The following PLD5 variants were observed in gnomAD, a reference collection of about 807,000 sequenced individuals.
The protein encoded by PLD5 is phospholipase D family member 5.
In PLD5, 36 loss-of-function variants were observed where a neutral mutation model predicts 61.1. The observed-to-expected ratio is 0.59, with a 90% CI of 0.45 to 0.78. The LOEUF is 0.78. PLD5 is among the 30% of genes least tolerant of loss of function. The probability of loss-of-function intolerance (pLI) is 0.00; values close to 1 mark genes in which losing one functional copy is unlikely to be tolerated. For synonymous variants in PLD5, 243 were observed against 242.8 expected (o/e 1.00, Z -0.01); for missense variants, 515 against 644.4 (o/e 0.80, Z 2.17).
chr1:242,366,245 G>T (rs1262973292), intron 1 of PLD5, among the ~76,000 whole-genome samples: 1 of 151,860 alleles, frequency 6.6e-6, no homozygotes, highest in Non-Finnish European at 1.5e-5. Context: ...AGGAATATGG[G>T]GTCTGCAAAG....
intron 1 of PLD5, among the ~76,000 whole-genome samples, chr1:242,428,537 G>A (rs2102884461): frequency 6.6e-6 from 1 of 152,300 alleles, no homozygotes; most frequent in South Asian, 2.1e-4. Context: ...CAAAATGTCA[G>A]GTTATCTTTC....
rs369865912 is a variant in PLD5, at chr1:242,106,074, C to T, written c.1239+1597G>A. ...TGAACCAGCAGGAGTATGAGGACTT[C>T]ACAGTACCTGCCCAGAAGAGTTTTA... On this transcript the variant is annotated intron_variant, in intron 8 of 9. Coordinates refer to ENST00000536534, the MANE Select transcript of PLD5 (RefSeq NM_001372062.1). Among the ~76,000 whole-genome samples, 83 of 152,304 alleles carry T rather than the reference C, an allele frequency of 5.4e-4. 3 individuals are homozygous for T. In the South Asian group the frequency reaches 0.016, roughly 29 times the overall value.
chr1:242,318,454 C>T (rs927352245), intron 2 of PLD5, among the ~76,000 whole-genome samples: 3 of 152,210 alleles, frequency 2.0e-5, no homozygotes, highest in African/African-American at 7.2e-5. Flanking sequence ...AGTGTGCTGA[C>T]GGGAGAGAGA....
At chr1:242,250,755 T>G (rs1483530981) in intron 4 of PLD5, among the ~76,000 whole-genome samples, 1 of 152,176 alleles carries the variant, frequency 6.6e-6, no homozygotes, top group African/African-American at 2.4e-5. Flanking sequence ...TACTGACTTT[T>G]AGGAGCCTCA....
chr1:242,107,039 C>T (rs4274045), intron 8 of PLD5, among the ~76,000 whole-genome samples: 80,696 of 151,970 alleles, frequency 0.53, 21,790 homozygotes, highest in East Asian at 0.75. Flanking sequence ...GGGATTAGTA[C>T]GTGGCCCAAG....
At chr1:242,319,672 C>G (rs145254455) in intron 2 of PLD5, among the ~76,000 whole-genome samples, 1 of 152,174 alleles carries the variant, frequency 6.6e-6, no homozygotes, top group Non-Finnish European at 1.5e-5. Flanking sequence ...GTAAATTCAT[C>G]GTTAATCTTC....
rs567255663 is a variant in PLD5 at position 242,173,403 on chromosome 1, A to G, written c.735+46585T>C. On this transcript the variant is annotated intron_variant, in intron 5 of 9. Coordinates refer to ENST00000536534, the MANE Select transcript of PLD5 (RefSeq NM_001372062.1). ...CCACTGTTCAACGAAATAAAAGAGGATACAAACAAATGGAAGAACATTCCA... is the reference window on the plus strand; with the variant it reads ...CCACTGTTCAACGAAATAAAAGAGGGTACAAACAAATGGAAGAACATTCCA... 5.9e-5 allele frequency among the ~76,000 whole-genome samples: 9 copies of G among 152,264 alleles called. No homozygotes were observed. In the East Asian group the frequency reaches 1.7e-3, roughly 29 times the overall value.
At chr1:242,145,797 T>C (rs1821675) in intron 5 of PLD5, among the ~76,000 whole-genome samples, 91,552 of 151,924 alleles carry the variant, frequency 0.6, 28,312 homozygotes, top group African/African-American at 0.74. Context: ...CTCAGCCTCC[T>C]GAGTAGCTGG....
chr1:242,183,916 AT>A (rs60019076), intron 5 of PLD5, among the ~76,000 whole-genome samples: 12 of 152,186 alleles, frequency 7.9e-5, no homozygotes, highest in East Asian at 3.9e-4. Context: ...ATAAATAAAA[AT>A]AAATAAAAGA....
intron 5 of PLD5, among the ~76,000 whole-genome samples, chr1:242,154,515 C>G (rs1033576654): frequency 6.6e-6 from 1 of 152,128 alleles, no homozygotes; most frequent in Admixed American, 6.5e-5. Context: ...GAGATACTTT[C>G]CGTCAATACC....
Position 242,201,763 on chromosome 1 carries a change from T to C in PLD5, c.735+18225A>G, listed in dbSNP as rs534763297. The stretch of plus-strand genomic sequence containing the variant: ...CAATTAGAATTTTACCTCAATATTA[T>C]TTTGAAAACTTCCATGGTTTAAAGT... On this transcript the variant is annotated intron_variant, in intron 5 of 9. Transcript: ENST00000536534. Among the ~76,000 whole-genome samples the C allele has an allele frequency of 7.9e-4, 121 of 152,312 alleles. 2 individuals are homozygous for C. In the Middle Eastern group the frequency reaches 0.024, roughly 30 times the overall value.
intron 5 of PLD5, among the ~76,000 whole-genome samples, chr1:242,133,498 T>C (rs1038060786): frequency 4.7e-4 from 71 of 152,212 alleles, no homozygotes; most frequent in Admixed American, 1.2e-3. Flanking sequence ...CAATTCTTTG[T>C]TCAAAACACC....
intron 1 of PLD5, among the ~76,000 whole-genome samples, chr1:242,499,005 T>C (rs1454143757): frequency 2.0e-5 from 3 of 152,208 alleles, no homozygotes; most frequent in South Asian, 2.1e-4. Flanking sequence ...ATATTAACCA[T>C]GTTAATGTTT....
At position 242,480,527 on chromosome 1, in the gene PLD5, T is replaced by C. The variant is rs577933613; in HGVS notation, c.189+43561A>G. Among the ~76,000 whole-genome samples, 130 of 152,052 alleles carry C rather than the reference T, an allele frequency of 8.5e-4. 1 individual carries two copies. Among genetic ancestry groups the C allele is most frequent in the African/African-American group, 3.1e-3 (130 of 41,484 alleles). On this transcript the variant is annotated intron_variant, in intron 1 of 9. Coordinates refer to ENST00000536534, the MANE Select transcript of PLD5 (RefSeq NM_001372062.1). The stretch of plus-strand genomic sequence containing the variant: ...TCAGATGTCATCAAAATGGAAAACT[T>C]GTGCTCTGCAAAAGACACCATTAAA...
At chr1:242,165,323 A>C (rs1290702809) in intron 5 of PLD5, among the ~76,000 whole-genome samples, 1 of 152,058 alleles carries the variant, frequency 6.6e-6, no homozygotes, top group Non-Finnish European at 1.5e-5. Flanking sequence ...GCAAGTTATA[A>C]CTTTTATTTA....
At chr1:242,458,367 A>C (rs1312543083) in intron 1 of PLD5, among the ~76,000 whole-genome samples, 1 of 152,202 alleles carries the variant, frequency 6.6e-6, no homozygotes, top group African/African-American at 2.4e-5. Context: ...GATTGCCAAC[A>C]TTTTCTCTAT....
At chr1:242,322,130 T>A (rs1405906636) in intron 2 of PLD5, among the ~76,000 whole-genome samples, 1 of 152,146 alleles carries the variant, frequency 6.6e-6, no homozygotes, top group Non-Finnish European at 1.5e-5. Context: ...GGGGTTGGCG[T>A]GAAAGCTGGC....
At chr1:242,348,844 G>A (rs1574775765) in intron 1 of PLD5, among the ~76,000 whole-genome samples, 3 of 152,238 alleles carry the variant, frequency 2.0e-5, no homozygotes, top group East Asian at 3.9e-4. Context: ...CATGAGGTCA[G>A]GAGATCAAGA....
chr1:242,514,833 T>C (rs983442920), intron 1 of PLD5, among the ~76,000 whole-genome samples: 1 of 151,202 alleles, frequency 6.6e-6, no homozygotes, highest in African/African-American at 2.4e-5. Flanking sequence ...CAGGGAGAGG[T>C]GACAAGCAGC....
Sources: gnomAD v4.1 joint callset for allele counts (sites outside exome capture counted in the v4.1 genomes callset) on GRCh38, gnomAD v4.1.1 for gene constraint, MANE v1.5 for transcripts, NCBI Gene and HGNC (gene_info 2026-07-23, HGNC 2026-07-21) for gene names.